ESYT3: variants seen among roughly 807,000 people sequenced by gnomAD.
ESYT3 encodes the protein extended synaptotagmin 3.
In ESYT3, 101 loss-of-function variants were observed where a neutral mutation model predicts 111.5. The observed-to-expected ratio is 0.91, with a 90% CI of 0.77 to 1.07. The LOEUF (loss-of-function observed/expected upper bound fraction) is 1.07, where lower values mean the gene tolerates loss of function less well. Ranked by LOEUF, ESYT3 falls within the 50% of genes least tolerant of loss-of-function variation. The pLI is 0.00. For synonymous variants in ESYT3, 416 were observed against 446.8 expected (o/e 0.93, Z 0.87); for missense variants, 1,097 against 1,109.4 (o/e 0.99, Z 0.16).
Position 138,470,085 on chromosome 3 carries a change from T to G in ESYT3, c.1529T>G (p.Val510Gly), listed in dbSNP as rs1210330627. ...SKTCPHNKDP[V>G]WSQVFSFFVH... ...ACCTGTCCCCACAACAAGGACCCTGTGTGGAGCCAGGTGTTCTCCTTCTTT... is the reference window on the plus strand; with the variant it reads ...ACCTGTCCCCACAACAAGGACCCTGGGTGGAGCCAGGTGTTCTCCTTCTTT... The change falls in exon 16 of 23, where the codon GTG (valine) becomes GGG (glycine). Residue 510 changes from valine (V) to glycine (G), a missense_variant. By Grantham distance (109) the Val-to-Gly change is moderately radical. Coordinates refer to ENST00000389567, the MANE Select transcript of ESYT3 (RefSeq NM_031913.5). 1 of 1,613,138 alleles carries G rather than the reference T, an allele frequency of 6.2e-7. No individual in the cohort carries two copies. Among genetic ancestry groups the G allele is most frequent in the Non-Finnish European group, 8.5e-7 (1 of 1,179,338 alleles).
Position 138,472,728 on chromosome 3 carries a change from G to A in ESYT3, c.2106G>A (p.Lys702=), listed in dbSNP as rs777339967. ...VPGPHSPGPI[K]SPRPMKCPAS... is the part of the protein sequence containing the mutation. ...GTCCCCACTCTCCAGGGCCCATCAAGTCACCCAGACCCATGAAATGCCCTG... is the reference window on the plus strand; with the variant it reads ...GTCCCCACTCTCCAGGGCCCATCAAATCACCCAGACCCATGAAATGCCCTG... Residue 702 remains lysine (K), a synonymous_variant, in exon 18 of 23, where the codon AAG becomes AAA. Transcript: ENST00000389567. 1.1e-5 allele frequency: 18 copies of A among 1,614,074 alleles called. No individual in the cohort carries two copies. In the Admixed American group the frequency reaches 3.0e-4, roughly 27 times the overall value.
At chr3:138,460,743 G>A (rs923334576) in intron 7 of ESYT3, 77 bp downstream of exon 7, 22 of 1,451,866 alleles carry the variant, frequency 1.5e-5, no homozygotes, top group African/African-American at 4.2e-5. Flanking sequence ...GACAGGAGCT[G>A]TGCAATGGTG....
chr3:138,444,833 G>T (rs1189938466), intron 1 of ESYT3, among the ~76,000 whole-genome samples: 2 of 152,208 alleles, frequency 1.3e-5, no homozygotes, highest in African/African-American at 4.8e-5. Context: ...TATGAATTTG[G>T]TGACACAGCA....
chr3:138,442,370 C>T (rs1004197863), intron 1 of ESYT3, among the ~76,000 whole-genome samples: 1 of 152,148 alleles, frequency 6.6e-6, no homozygotes, highest in Non-Finnish European at 1.5e-5. Context: ...ACGATCATAT[C>T]CTTCATATGA....
intron 1 of ESYT3, among the ~76,000 whole-genome samples, chr3:138,439,429 T>C (rs903349338): frequency 4.6e-5 from 7 of 152,164 alleles, no homozygotes; most frequent in Admixed American, 3.9e-4. Context: ...CTGCCCGCGC[T>C]AGAGCTGCCT....
At chr3:138,469,594 A>G in intron 15 of ESYT3, 90 bp downstream of exon 15, 1 of 1,023,722 alleles carries the variant, frequency 9.8e-7, no homozygotes, top group Non-Finnish European at 1.5e-6. Flanking sequence ...GAATTAACTT[A>G]TGGTGAATGC....
At chr3:138,443,960 G>C (rs143327726) in intron 1 of ESYT3, among the ~76,000 whole-genome samples, 2 of 152,298 alleles carry the variant, frequency 1.3e-5, no homozygotes, top group East Asian at 1.9e-4. Context: ...TCCGATGGGA[G>C]GCAGCTGTCA....
chr3:138,441,589 A>G (rs1234430229), intron 1 of ESYT3, among the ~76,000 whole-genome samples: 2 of 152,112 alleles, frequency 1.3e-5, no homozygotes, highest in Non-Finnish European at 2.9e-5. Context: ...CAGCTACCTC[A>G]GGGAGCAGGG....
intron 20 of ESYT3, 74 bp from the exon 21 acceptor site, chr3:138,476,149 T>A: frequency 1.0e-6 from 1 of 981,910 alleles, no homozygotes; most frequent in Non-Finnish European, 1.6e-6. Context: ...AGTAGGGAAA[T>A]GGATGAAGCA....
chr3:138,439,065 C>T lies in ESYT3; in HGVS notation c.327+3940C>T, dbSNP rs538567632. Among the ~76,000 whole-genome samples the T allele has an allele frequency of 1.3e-3, 196 of 152,132 alleles. 1 individual carries two copies. Among genetic ancestry groups the T allele is most frequent in the African/African-American group, 4.7e-3 (194 of 41,512 alleles). ...TATAGCACAGTGACAAGCACGGAGC[C>T]CTTGATATTACTCATTTAATTGTAG... On this transcript the variant is annotated intron_variant, in intron 1 of 22. Coordinates refer to ENST00000389567, the MANE Select transcript of ESYT3 (RefSeq NM_031913.5).
chr3:138,470,712 G>A, intron 16 of ESYT3, 165 bp from the exon 17 acceptor site: 3 of 1,447,870 alleles, frequency 2.1e-6, no homozygotes, highest in Non-Finnish European at 1.8e-6. Flanking sequence ...AGAAGACAAG[G>A]ACCAGGTCTG....
In ESYT3 at chr3:138,476,309, G is replaced by C; in HGVS notation, c.2555G>C (p.Arg852Thr). The C allele has an allele frequency of 1.2e-6, 2 of 1,613,470 alleles. No homozygotes were observed. Among genetic ancestry groups the C allele is most frequent in the Non-Finnish European group, 1.7e-6 (2 of 1,179,390 alleles). The change falls in exon 21 of 23, where the codon AGA becomes ACA. Residue 852 changes from arginine to threonine, a missense_variant. Coordinates refer to ENST00000389567, the MANE Select transcript of ESYT3 (RefSeq NM_031913.5). ...AATAGTAGGCCACTTGGCTCACACAGAAGAAAGGAGTTAGGAAAAGTAAGT... is the reference window on the plus strand; with the variant it reads ...AATAGTAGGCCACTTGGCTCACACACAAGAAAGGAGTTAGGAAAAGTAAGT... ...VKNSRPLGSH[R>T]RKELGKVLID... is the part of the protein sequence containing the mutation.
Position 138,468,130 on chromosome 3 carries a change from G to C in ESYT3, c.1244G>C (p.Ser415Thr), listed in dbSNP as rs2033024502. 1 of 1,614,182 alleles carries C rather than the reference G, an allele frequency of 6.2e-7. No homozygotes were observed. The highest frequency in any genetic ancestry group is 1.7e-5 in the Admixed American group (1 of 60,020). Residue 415 changes from serine to threonine, a missense_variant, in exon 12 of 23, where the codon AGC becomes ACC. Physicochemically the swap from Ser to Thr is moderately conservative, Grantham distance 58. Coordinates refer to ENST00000389567, the MANE Select transcript of ESYT3 (RefSeq NM_031913.5). ...DEWFVLNDTT[S>T]GRLHLRLEWL... ...TGGTTTGTCCTGAATGACACAACCA[G>C]CGGGCGGCTGCACCTGCGGCTGGAG...
At chr3:138,468,258 G>T in intron 12 of ESYT3, 64 bp downstream of exon 12, 1 of 1,470,128 alleles carries the variant, frequency 6.8e-7, no homozygotes, top group Non-Finnish European at 9.5e-7. Context: ...CCAGGTGTGT[G>T]CAGGTGGAGG....
At chr3:138,474,562 C>T (rs2033398504) in intron 20 of ESYT3, 2 of 456,748 alleles carry the variant, frequency 4.4e-6, no homozygotes, top group Non-Finnish European at 7.5e-6. Flanking sequence ...ATTTACTGCT[C>T]ATAGAGGCTA....
rs573506940 is a variant in ESYT3 at position 138,469,595 on chromosome 3, T to C, written c.1503+91T>C. The C allele has an allele frequency of 1.2e-4, 118 of 1,016,364 alleles. No homozygotes were observed. The African/African-American group carries it at 1.6e-3, about 14-fold the overall frequency. The allele number at this position is 1,016,364 out of a possible 1,614,324, so 63.0% of individuals were successfully genotyped here. ...GGCAAAAGGGAGGGGAATTAACTTA[T>C]GGTGAATGCCTAGTAGGCACTTGAT... On this transcript the variant is annotated intron_variant, in intron 15 of 22. Transcript: ENST00000389567.
chr3:138,471,187 A>G (rs1041101445), intron 17 of ESYT3, among the ~76,000 whole-genome samples, 161 bp downstream of exon 17: 4 of 152,188 alleles, frequency 2.6e-5, no homozygotes, highest in African/African-American at 9.7e-5. Flanking sequence ...GAGCAAGTCA[A>G]TATTCAAAGA....
At chr3:138,455,440 C>A (rs1466232892) in intron 3 of ESYT3, 112 bp downstream of exon 3, 7 of 1,222,010 alleles carry the variant, frequency 5.7e-6, no homozygotes, top group African/African-American at 1.6e-5. Context: ...AGAGATCCCA[C>A]TGGACCTTAC....
Position 138,477,412 on chromosome 3 carries a change from G to A in ESYT3, c.*558G>A, listed in dbSNP as rs1229421255. On this transcript the variant is annotated 3_prime_UTR_variant, in exon 23 of 23. Transcript: ENST00000389567. ...TGCCACCTGTGGTACTTGTATGCCT[G>A]GATATTTGTTCTTTTATTTGACCTG... 6.6e-6 allele frequency: 1 copy of A among 152,348 alleles called. No individual in the cohort carries two copies. Among genetic ancestry groups the A allele is most frequent in the African/African-American group, 2.4e-5 (1 of 41,428 alleles). The allele number at this position is 152,348 out of a possible 1,614,324, so 9.4% of individuals were successfully genotyped here.
Sources: allele counts gnomAD v4.1 joint callset (sites outside exome capture counted in the v4.1 genomes callset), GRCh38; gene constraint gnomAD v4.1.1; transcripts MANE v1.5; gene names NCBI Gene and HGNC (gene_info 2026-07-23, HGNC 2026-07-21).